The following ZNF679 variants were observed in gnomAD, a reference collection of about 807,000 sequenced individuals.
ZNF679 encodes the protein zinc finger protein 679.
ZNF679 carries 10 observed loss-of-function variants against 13.4 expected under a neutral mutation model. That is an observed-to-expected ratio of 0.75 (90% CI 0.46 to 1.27). The LOEUF is 1.27. Ranked by LOEUF, ZNF679 falls within the 50% of genes most tolerant of loss-of-function variation. The probability of loss-of-function intolerance (pLI) is 0.00; values close to 1 mark genes in which losing one functional copy is unlikely to be tolerated. For missense variants in ZNF679, 525 were observed against 477.8 expected (o/e 1.10, Z -0.92); for synonymous variants, 179 against 162.5 (o/e 1.10, Z -0.77).
intron 2 of ZNF679, among the ~76,000 whole-genome samples, chr7:64,257,867 A>G (rs1244664894): frequency 6.6e-6 from 1 of 152,234 alleles, no homozygotes; most frequent in Non-Finnish European, 1.5e-5. Flanking sequence ...ATCAGCATTT[A>G]CAGGGGACTT....
At chr7:64,243,664 G>A (rs1787829067) in intron 1 of ZNF679, among the ~76,000 whole-genome samples, 1 of 152,180 alleles carries the variant, frequency 6.6e-6, no homozygotes, top group South Asian at 2.1e-4. Flanking sequence ...GGAGGGCAAA[G>A]CCCAGGCAGG....
In ZNF679 at chr7:64,266,555, T is replaced by A. The variant is rs1483266866; in HGVS notation, c.922T>A (p.Ser308Thr). The A allele has an allele frequency of 6.2e-7, 1 of 1,612,512 alleles. No individual in the cohort carries two copies. The highest frequency in any genetic ancestry group is 8.5e-7 in the Non-Finnish European group (1 of 1,178,788). Residue 308 changes from serine to threonine, a missense_variant, in exon 5 of 5, where the codon TCC (serine) becomes ACC (threonine). Coordinates refer to ENST00000421025, the MANE Select transcript of ZNF679 (RefSeq NM_153363.3). ...AGAATGTGGCAAAGCCTTTAGCTTA[T>A]CCTCATCCCTCACTTACCACAAGAG... ...CEECGKAFSL[S>T]SSLTYHKRIH...
At chr7:64,248,980 AG>A (rs2116528750) in intron 1 of ZNF679, 47 bp from the exon 2 acceptor site, 2 of 1,245,242 alleles carry the variant, frequency 1.6e-6, no homozygotes, top group East Asian at 2.5e-5. Context: ...TGGAGAGAAC[AG>A]GATGCCTCCG....
At chr7:64,234,463 GACATCT>G (rs1260077354) in intron 1 of ZNF679, among the ~76,000 whole-genome samples, 1 of 152,126 alleles carries the variant, frequency 6.6e-6, no homozygotes, top group Non-Finnish European at 1.5e-5. Context: ...AATGTGGGGG[GACATCT>G]ACTTACAGAG....
chr7:64,250,702 C>T (rs557141463), intron 2 of ZNF679, among the ~76,000 whole-genome samples: 17 of 152,094 alleles, frequency 1.1e-4, no homozygotes, highest in Non-Finnish European at 1.9e-4. Flanking sequence ...GATTCTCCTG[C>T]CTCAGCCTCC....
intron 1 of ZNF679, among the ~76,000 whole-genome samples, chr7:64,239,273 C>T (rs545083185): frequency 6.6e-6 from 1 of 152,164 alleles, no homozygotes; most frequent in Non-Finnish European, 1.5e-5. Flanking sequence ...GGTTGTGACA[C>T]CCCTACTGGG....
intron 4 of ZNF679, among the ~76,000 whole-genome samples, chr7:64,261,850 T>C (rs1349575291): frequency 7.2e-6 from 1 of 138,776 alleles, no homozygotes; most frequent in East Asian, 2.7e-4. Context: ...ATTTGTCCAA[T>C]TCTTTCTTTC....
At chr7:64,228,938 G>T (rs1272618368) in intron 1 of ZNF679, among the ~76,000 whole-genome samples, 1 of 152,164 alleles carries the variant, frequency 6.6e-6, no homozygotes, top group Non-Finnish European at 1.5e-5. Context: ...GTATGCATAG[G>T]AGATTCACAA....
At chr7:64,238,909 CAA>C (rs966887167) in intron 1 of ZNF679, among the ~76,000 whole-genome samples, 8 of 152,056 alleles carry the variant, frequency 5.3e-5, no homozygotes, top group African/African-American at 1.9e-4. Flanking sequence ...TAGGCCCAGT[CAA>C]AGAGAGAGAT....
intron 1 of ZNF679, among the ~76,000 whole-genome samples, chr7:64,240,011 T>C (rs867532245): frequency 1.3e-5 from 2 of 152,312 alleles, no homozygotes; most frequent in African/African-American, 4.8e-5. Flanking sequence ...TTCTTCTAAC[T>C]GGACACTTTC....
chr7:64,251,624 T>C (rs1787945611), intron 2 of ZNF679, among the ~76,000 whole-genome samples: 1 of 152,208 alleles, frequency 6.6e-6, no homozygotes. Context: ...TCAGCCACAC[T>C]TTAGGTTTTT....
intron 1 of ZNF679, among the ~76,000 whole-genome samples, chr7:64,242,530 A>T (rs1459214854): frequency 1.3e-5 from 2 of 152,180 alleles, no homozygotes; most frequent in African/African-American, 4.8e-5. Flanking sequence ...AAAATTGGTC[A>T]ATATCCCTCC....
At position 64,228,590 on chromosome 7, in the gene ZNF679, C is replaced by T. The variant is rs1787592490; in HGVS notation, c.-153C>T. On this transcript the variant is annotated 5_prime_UTR_variant, in exon 1 of 5. Transcript: ENST00000421025. ...GCCACAATCACACCTGCGGGAAGGA[C>T]CAGGAATAAATTTCACAATTCTACG... 1 of 152,156 alleles carries T rather than the reference C, an allele frequency of 6.6e-6. No homozygotes were observed. The highest frequency in any genetic ancestry group is 6.5e-5 in the Admixed American group (1 of 15,268). The allele number at this position is 152,156 out of a possible 1,614,324, so 9.4% of individuals were successfully genotyped here. A position where few individuals can be genotyped will look rare whatever the true frequency, so the allele number is the denominator to read the frequency against.
At chr7:64,248,215 C>G (rs1256035278) in intron 1 of ZNF679, among the ~76,000 whole-genome samples, 1 of 152,048 alleles carries the variant, frequency 6.6e-6, no homozygotes, top group Non-Finnish European at 1.5e-5. Context: ...ACAAGAACAG[C>G]ATGAGGATAA....
At chr7:64,258,436 C>T (rs1358381102) in intron 2 of ZNF679, among the ~76,000 whole-genome samples, 3 of 152,058 alleles carry the variant, frequency 2.0e-5, no homozygotes. Context: ...GGCGTGGTGG[C>T]TTACGCATAT....
At chr7:64,237,347 G>T (rs892701048) in intron 1 of ZNF679, among the ~76,000 whole-genome samples, 1 of 152,186 alleles carries the variant, frequency 6.6e-6, no homozygotes, top group African/African-American at 2.4e-5. Flanking sequence ...CAGGGTGCAT[G>T]GGTGTGAGTG....
At chr7:64,236,918 GAA>G (rs1337207957) in intron 1 of ZNF679, among the ~76,000 whole-genome samples, 2 of 99,126 alleles carry the variant, frequency 2.0e-5, no homozygotes, top group Admixed American at 1.2e-4. Flanking sequence ...AAGAAAGAAA[GAA>G]AGAAGAAAGA....
chr7:64,237,817 C>A (rs1404682), intron 1 of ZNF679, among the ~76,000 whole-genome samples: 148,567 of 152,264 alleles, frequency 0.98, 72,531 homozygotes, highest in Non-Finnish European at 0.99. Flanking sequence ...ATTTGATAAA[C>A]CTACTCATAA....
At chr7:64,265,040 T>C (rs1788125814) in intron 4 of ZNF679, among the ~76,000 whole-genome samples, 1 of 152,102 alleles carries the variant, frequency 6.6e-6, no homozygotes, top group Non-Finnish European at 1.5e-5. Flanking sequence ...ATATGGATTA[T>C]CTTATGTTTT....
Sources: allele counts gnomAD v4.1 joint callset (sites outside exome capture counted in the v4.1 genomes callset), GRCh38; gene constraint gnomAD v4.1.1; transcripts MANE v1.5; gene names NCBI Gene and HGNC (gene_info 2026-07-23, HGNC 2026-07-21).